The following RBFOX3 variants were observed in gnomAD, a reference collection of about 807,000 sequenced individuals.
RBFOX3 encodes RNA binding protein fox-1 homolog 3.
RBFOX3 carries 17 observed loss-of-function variants against 48.7 expected under a neutral mutation model. The observed-to-expected ratio is 0.35, with a 90% CI of 0.24 to 0.52. The LOEUF is 0.52. Among genes scored for constraint, RBFOX3 ranks in the 20% least tolerant of loss-of-function variants. RBFOX3 has a pLI of 0.94. For synonymous variants in RBFOX3, 212 were observed against 209.5 expected, an observed-to-expected ratio of 1.01 and a Z score of -0.10; for missense variants, 382 against 497.5, an observed-to-expected ratio of 0.77 and a Z score of 2.21.
intron 2 of RBFOX3, among the ~76,000 whole-genome samples, chr17:79,345,536 A>T (rs1020327066): frequency 2.0e-5 from 3 of 152,188 alleles, no homozygotes; most frequent in African/African-American, 7.2e-5. Context: ...AACGCTACTC[A>T]TTGTGGTCTA....
intron 1 of RBFOX3, among the ~76,000 whole-genome samples, chr17:79,525,141 G>A (rs1418527457): frequency 1.3e-5 from 2 of 152,200 alleles, no homozygotes; most frequent in Non-Finnish European, 2.9e-5. Flanking sequence ...TTTGGGGTGG[G>A]AGAGTTCATT....
Position 79,091,110 on chromosome 17 carries a change from G to A in RBFOX3, c.1078-225C>T, listed in dbSNP as rs531306677. Reference sequence around the variant, plus strand: ...GGGAGGAGACACCTGGGGCCCTGAGGAGGAGACAGAGCTGAGCAGGGCAGG... The same window carrying A: ...GGGAGGAGACACCTGGGGCCCTGAGAAGGAGACAGAGCTGAGCAGGGCAGG... On this transcript the variant is annotated intron_variant, in intron 14 of 14. Coordinates refer to ENST00000693108, the MANE Select transcript of RBFOX3 (RefSeq NM_001350451.2). 2.6e-5 allele frequency among the ~76,000 whole-genome samples: 4 copies of A among 152,368 alleles called. No homozygotes were observed. In the East Asian group the frequency reaches 5.8e-4, roughly 22 times the overall value.
At position 79,199,672 on chromosome 17, in the gene RBFOX3, T is replaced by C. The variant is rs2056410553; in HGVS notation, c.-34+36094A>G. Among the ~76,000 whole-genome samples, 1 of 152,196 alleles carries C rather than the reference T, an allele frequency of 6.6e-6. No individual in the cohort carries two copies. Among genetic ancestry groups the C allele is most frequent in the East Asian group, 1.9e-4 (1 of 5,196 alleles). On this transcript the variant is annotated intron_variant, in intron 4 of 14. Transcript: ENST00000693108. The surrounding 1 kb of genome is among the most constrained non-coding windows in gnomAD (Gnocchi z 5.1). ...ATAAAAGTGAGGCTCAGTCCCTTTG[T>C]TGCATGAGCTTCATTTCCAAGAGTC... is the stretch of plus-strand genomic sequence containing the variant.
intron 2 of RBFOX3, among the ~76,000 whole-genome samples, chr17:79,323,272 G>C (rs1211577853): frequency 6.6e-6 from 1 of 152,192 alleles, no homozygotes; most frequent in Non-Finnish European, 1.5e-5. Flanking sequence ...CATTGAGCTA[G>C]GGCATCTCAA....
intron 2 of RBFOX3, among the ~76,000 whole-genome samples, chr17:79,329,570 C>G (rs1294536991): frequency 6.6e-6 from 1 of 152,170 alleles, no homozygotes; most frequent in Non-Finnish European, 1.5e-5. Flanking sequence ...GTGCCCTCTC[C>G]TCCTTCCCTG....
chr17:79,539,106 C>G (rs2089297196), intron 1 of RBFOX3, among the ~76,000 whole-genome samples: 1 of 152,146 alleles, frequency 6.6e-6, no homozygotes, highest in South Asian at 2.1e-4. Flanking sequence ...AACCCCAGCA[C>G]TTTGGGAGGC....
chr17:79,530,124 C>A (rs943282975), intron 1 of RBFOX3, among the ~76,000 whole-genome samples: 1 of 152,168 alleles, frequency 6.6e-6, no homozygotes, highest in South Asian at 2.1e-4. Context: ...GAGGCAGCAT[C>A]GAGCACAGCC....
At chr17:79,415,823 A>T (rs1388204157) in intron 2 of RBFOX3, among the ~76,000 whole-genome samples, 1 of 152,070 alleles carries the variant, frequency 6.6e-6, no homozygotes, top group Non-Finnish European at 1.5e-5. Flanking sequence ...GGCAGCCTGC[A>T]TGTGCTGGGG....
chr17:79,529,661 C>T (rs941882180), intron 1 of RBFOX3, among the ~76,000 whole-genome samples: 2 of 152,170 alleles, frequency 1.3e-5, no homozygotes, highest in Non-Finnish European at 2.9e-5. Flanking sequence ...AGAGGGAGAA[C>T]TGGTACCACT....
chr17:79,612,145 G>A (rs1295503701), upstream of RBFOX3, among the ~76,000 whole-genome samples: 1 of 152,186 alleles, frequency 6.6e-6, no homozygotes, highest in Admixed American at 6.5e-5. Context: ...TCCCAAACAG[G>A]TTTAGGCAGG....
At chr17:79,611,484 CTGG>C (rs2093969862), upstream of RBFOX3, among the ~76,000 whole-genome samples, 1 of 151,986 alleles carries the variant, frequency 6.6e-6, no homozygotes, top group Non-Finnish European at 1.5e-5. Flanking sequence ...CAGTGCTGCC[CTGG>C]TCCCTTCAAG....
At chr17:79,511,063 A>T (rs1257084726) in intron 1 of RBFOX3, among the ~76,000 whole-genome samples, 2 of 152,174 alleles carry the variant, frequency 1.3e-5, no homozygotes, top group Non-Finnish European at 2.9e-5. Flanking sequence ...GGCTGTGCTA[A>T]CAGGGAAAGG....
chr17:79,354,259 T>C (rs1598361776), intron 2 of RBFOX3, among the ~76,000 whole-genome samples: 1 of 152,172 alleles, frequency 6.6e-6, no homozygotes, highest in African/African-American at 2.4e-5. Context: ...AGGCCCACCA[T>C]TCTAGTGTCA....
intron 4 of RBFOX3, among the ~76,000 whole-genome samples, chr17:79,157,906 C>T (rs990445352): frequency 1.3e-5 from 2 of 152,210 alleles, no homozygotes; most frequent in South Asian, 2.1e-4. Context: ...TGGGGCTAGA[C>T]GGCCCTGGGG....
chr17:79,547,890 G>A (rs190853604), intron 1 of RBFOX3, among the ~76,000 whole-genome samples: 16 of 152,276 alleles, frequency 1.1e-4, no homozygotes, highest in South Asian at 1.0e-3. Flanking sequence ...TGAAGGACTC[G>A]GACCTCCAGC....
At chr17:79,444,785 A>G (rs114743597) in intron 2 of RBFOX3, among the ~76,000 whole-genome samples, 1 of 151,908 alleles carries the variant, frequency 6.6e-6, no homozygotes, top group African/African-American at 2.4e-5. Flanking sequence ...ATACATTCAG[A>G]TATATATATA....
At chr17:79,226,708 C>T (rs1298453913) in intron 4 of RBFOX3, among the ~76,000 whole-genome samples, 2 of 152,210 alleles carry the variant, frequency 1.3e-5, no homozygotes, top group African/African-American at 4.8e-5. Flanking sequence ...GTGGGGATGG[C>T]AACATCTACC....
rs1482685953 is a variant in RBFOX3, at chr17:79,479,579, G to T, written c.-175+2875C>A. On this transcript the variant is annotated intron_variant, in intron 2 of 14. Coordinates refer to ENST00000693108, the MANE Select transcript of RBFOX3 (RefSeq NM_001350451.2). This position sits in a 1 kb window ranked among gnomAD's most constrained non-coding sequence, Gnocchi z 5.1. ...TTTGGAATCAACAAGGGGCTGGACA[G>T]TGAACACACCGAGGGAAGCAGCTCA... 6.6e-6 allele frequency among the ~76,000 whole-genome samples: 1 copy of T among 152,242 alleles called. No individual in the cohort carries two copies. The highest frequency in any genetic ancestry group is 1.5e-5 in the Non-Finnish European group (1 of 68,044).
chr17:79,373,664 G>A (rs972068372), intron 2 of RBFOX3, among the ~76,000 whole-genome samples: 15 of 151,994 alleles, frequency 9.9e-5, no homozygotes, highest in Non-Finnish European at 1.9e-4. Flanking sequence ...TCATTTTTAT[G>A]TGTGAGTTCC....
Sources: gnomAD v4.1 joint callset for allele counts (sites outside exome capture counted in the v4.1 genomes callset) on GRCh38, gnomAD v4.1.1 for gene constraint, Gnocchi (gnomAD v3.1) non-coding constraint, MANE v1.5 for transcripts, NCBI Gene and HGNC (gene_info 2026-07-23, HGNC 2026-07-21) for gene names.